DAAM2: variants seen among roughly 807,000 people sequenced by gnomAD.
The protein encoded by DAAM2 is dishevelled associated activator of morphogenesis 2, also known as disheveled-associated activator of morphogenesis 2.
A neutral mutation model predicts 120.7 loss-of-function variants in DAAM2; 39 were observed. The ratio of observed to expected loss-of-function variants is 0.32; its 90% confidence interval spans 0.25 to 0.42. The LOEUF (loss-of-function observed/expected upper bound fraction) is 0.42. Among genes scored for constraint, DAAM2 ranks in the 10% least tolerant of loss-of-function variants. The pLI, the probability that DAAM2 is intolerant of heterozygous loss-of-function variation, is 1.00. For missense variants in DAAM2, 1,283 were observed against 1,401.7 expected (o/e 0.92, Z 1.35); for synonymous variants, 488 against 524.9 (o/e 0.93, Z 0.96).
intron 21 of DAAM2, 113 bp from the exon 22 acceptor site, chr6:39,898,764 C>A: frequency 1.1e-6 from 1 of 879,296 alleles, no homozygotes; most frequent in Non-Finnish European, 1.9e-6. Flanking sequence ...GGAACCCAGG[C>A]TCACCGACTC....
chr6:39,902,831 C>T lies in DAAM2; in HGVS notation c.*794C>T, dbSNP rs1766569875. ...GGTGCTTGATGAATCTGGCGAGGGG[C>T]TCAAGACAGACCTCATGCATCACCA... On this transcript the variant is annotated 3_prime_UTR_variant, in exon 25 of 25. Transcript: ENST00000274867. 6.6e-6 allele frequency: 1 copy of T among 152,372 alleles called. No individual in the cohort carries two copies. The highest frequency in any genetic ancestry group is 2.1e-4 in the South Asian group (1 of 4,828). The allele number at this position is 152,372 out of a possible 1,614,324, so 9.4% of individuals were successfully genotyped here. A position where few individuals can be genotyped will look rare whatever the true frequency, so the allele number is the denominator to read the frequency against.
chr6:39,867,519 C>T lies in DAAM2; in HGVS notation c.438C>T (p.Thr146=). 1 of 1,613,606 alleles carries T rather than the reference C, an allele frequency of 6.2e-7. No homozygotes were observed. Among genetic ancestry groups the T allele is most frequent in the Non-Finnish European group, 8.5e-7 (1 of 1,179,568 alleles). The part of the protein sequence containing the change: ...ALRTQPMRFV[T]RFIELEGLTC... ...TGGCTCTGATTTGTAGGTTTGTGAC[C>T]CGCTTCATTGAGCTGGAGGGCTTGA... is the stretch of plus-strand genomic sequence containing the variant. The change falls in exon 6 of 25, where the codon ACC becomes ACT. Residue 146 remains threonine (T), a synonymous_variant. Coordinates refer to ENST00000274867, the MANE Select transcript of DAAM2 (RefSeq NM_001201427.2).
intron 1 of DAAM2, chr6:39,820,552 A>G (rs1451865736): frequency 1.3e-5 from 2 of 152,202 alleles, no homozygotes; most frequent in Non-Finnish European, 1.5e-5. Context: ...AGTGAGAGAT[A>G]GAAGGTGGGA....
At chr6:39,893,319 AC>A (rs2149362735) in intron 19 of DAAM2, among the ~76,000 whole-genome samples, 1 of 152,260 alleles carries the variant, frequency 6.6e-6, no homozygotes, top group Admixed American at 6.5e-5. Context: ...GATTGAGACC[AC>A]TCTGGCTAAC....
chr6:39,833,038 G>A (rs1762974203), intron 1 of DAAM2, among the ~76,000 whole-genome samples: 1 of 152,114 alleles, frequency 6.6e-6, no homozygotes, highest in Non-Finnish European at 1.5e-5. Flanking sequence ...TGCCAGCCAT[G>A]TTTGCTCAGA....
intron 19 of DAAM2, among the ~76,000 whole-genome samples, chr6:39,893,061 A>T (rs1562060931): frequency 6.6e-6 from 1 of 152,236 alleles, no homozygotes; most frequent in Admixed American, 6.5e-5. Flanking sequence ...CATGCAGCAC[A>T]AGTAAGGGGT....
intron 14 of DAAM2, among the ~76,000 whole-genome samples, chr6:39,880,339 G>T (rs1765063637): frequency 6.6e-6 from 1 of 152,192 alleles, no homozygotes; most frequent in Non-Finnish European, 1.5e-5. Context: ...GCTTCAGTGA[G>T]CTCAAATGCA....
chr6:39,886,638 C>A (rs1765392423), intron 15 of DAAM2: 1 of 395,246 alleles, frequency 2.5e-6, no homozygotes, highest in Middle Eastern at 6.3e-4. Context: ...ATCAAATAGA[C>A]CCCTGGCAGC....
At chr6:39,884,299 G>T in intron 15 of DAAM2, 2 of 490,320 alleles carry the variant, frequency 4.1e-6, no homozygotes, top group Non-Finnish European at 3.7e-6. Context: ...ATGAAGTAGA[G>T]GTGCACAGAC....
chr6:39,795,988 G>A (rs553900462), intron 1 of DAAM2, among the ~76,000 whole-genome samples: 172 of 152,276 alleles, frequency 1.1e-3, no homozygotes, highest in Non-Finnish European at 2.1e-3. Flanking sequence ...ACAAGCCTGA[G>A]TCAGAGAGCG....
At chr6:39,840,012 A>G (rs1333376020) in intron 1 of DAAM2, among the ~76,000 whole-genome samples, 1 of 152,162 alleles carries the variant, frequency 6.6e-6, no homozygotes, top group Non-Finnish European at 1.5e-5. Context: ...AGATCACTGG[A>G]GGCCAGGAGT....
At chr6:39,865,465 A>C (rs1014725994) in intron 5 of DAAM2, among the ~76,000 whole-genome samples, 7 of 152,220 alleles carry the variant, frequency 4.6e-5, no homozygotes, top group Non-Finnish European at 1.0e-4. Flanking sequence ...AGAGGGACGC[A>C]CGGGTAGAGA....
intron 1 of DAAM2, chr6:39,856,022 A>C: frequency 1.0e-6 from 1 of 984,568 alleles, no homozygotes; most frequent in African/African-American, 1.7e-5. Context: ...GATAACACTC[A>C]GAGGACATGG....
chr6:39,820,031 ACT>A (rs1202137506), intron 1 of DAAM2: 2 of 152,124 alleles, frequency 1.3e-5, no homozygotes, highest in East Asian at 3.9e-4. Flanking sequence ...AATGTTCAAC[ACT>A]CTGCTCGTGG....
intron 14 of DAAM2, chr6:39,879,698 G>A (rs144952857): frequency 3.0e-4 from 184 of 622,918 alleles, no homozygotes; most frequent in East Asian, 1.7e-3. Flanking sequence ...CAATGCTGAC[G>A]TTGACAAAGT....
chr6:39,837,471 T>C (rs1346232132), intron 1 of DAAM2, among the ~76,000 whole-genome samples: 2 of 151,966 alleles, frequency 1.3e-5, no homozygotes, highest in Non-Finnish European at 2.9e-5. Context: ...CCCAAAGTGC[T>C]GACCAATATG....
chr6:39,831,240 G>A lies in DAAM2; in HGVS notation c.-56-25007G>A, dbSNP rs145912411. Among the ~76,000 whole-genome samples, 15 of 152,282 alleles carry A rather than the reference G, an allele frequency of 9.9e-5. No individual in the cohort carries two copies. In the East Asian group the frequency reaches 2.9e-3, roughly 30 times the overall value. On this transcript the variant is annotated intron_variant, in intron 1 of 24. Coordinates refer to ENST00000274867, the MANE Select transcript of DAAM2 (RefSeq NM_001201427.2). ...GGATAATGAATACATGGGATGTATA[G>A]TCTGTCAGGTGGTGGTAAGTCTACG... is the stretch of plus-strand genomic sequence containing the variant.
intron 1 of DAAM2, among the ~76,000 whole-genome samples, chr6:39,814,566 T>C (rs1304082660): frequency 2.6e-5 from 4 of 152,274 alleles, no homozygotes; most frequent in Non-Finnish European, 5.9e-5. Context: ...AAGATCCATG[T>C]GGCACAGCAG....
At chr6:39,853,837 G>T (rs763273553) in intron 1 of DAAM2, among the ~76,000 whole-genome samples, 1 of 152,194 alleles carries the variant, frequency 6.6e-6, no homozygotes, top group Non-Finnish European at 1.5e-5. Context: ...CTGCAGCTGC[G>T]TTCTGGAGGC....
Sources: allele counts gnomAD v4.1 joint callset (sites outside exome capture counted in the v4.1 genomes callset), GRCh38; gene constraint gnomAD v4.1.1; transcripts MANE v1.5; gene names NCBI Gene and HGNC (gene_info 2026-07-23, HGNC 2026-07-21).